Variants in MTA3 observed in about 807,000 individuals in gnomAD.
MTA3 encodes the protein metastasis-associated protein MTA3.
Under a neutral mutation model 83.5 loss-of-function variants are expected in MTA3, and 34 were observed. The ratio of observed to expected loss-of-function variants is 0.41; its 90% CI spans 0.31 to 0.54. The LOEUF is 0.54. Ranked by LOEUF, MTA3 falls within the 20% of genes least tolerant of loss-of-function variation. The probability of loss-of-function intolerance (pLI) is 0.33; values close to 1 mark genes in which losing one functional copy is unlikely to be tolerated. For synonymous variants in MTA3, 303 were observed against 252.7 expected (o/e 1.20, Z -1.89); for missense variants, 761 against 726.4 (o/e 1.05, Z -0.55).
chr2:42,523,645 G>T (rs1387221349), intron 2 of MTA3, among the ~76,000 whole-genome samples: 1 of 152,130 alleles, frequency 6.6e-6, no homozygotes, highest in Non-Finnish European at 1.5e-5. Context: ...GGGTGCAGTG[G>T]CGCATGCTTG....
intron 8 of MTA3, among the ~76,000 whole-genome samples, chr2:42,665,473 T>A (rs189828214): frequency 2.6e-5 from 4 of 152,300 alleles, no homozygotes; most frequent in Non-Finnish European, 5.9e-5. Context: ...ACAAAATTCC[T>A]TAGAACCAAG....
At position 42,756,914 on chromosome 2, in the gene MTA3, G is replaced by T; in HGVS notation, c.*3515G>T. On this transcript the variant is annotated 3_prime_UTR_variant, in exon 17 of 17. Coordinates refer to ENST00000405094, the MANE Select transcript of MTA3 (RefSeq NM_001330442.2). The stretch of plus-strand genomic sequence containing the variant: ...GGAGATGCCATCTACTAACCAATTT[G>T]TATTGTGTTTCCAATAAATTCCTGG... 1.0e-6 allele frequency: 1 copy of T among 985,476 alleles called. No individual in the cohort carries two copies. Among genetic ancestry groups the T allele is most frequent in the Non-Finnish European group, 1.2e-6 (1 of 829,978 alleles). The allele number at this position is 985,476 out of a possible 1,614,324, so 61.0% of individuals were successfully genotyped here.
intron 8 of MTA3, among the ~76,000 whole-genome samples, chr2:42,665,850 A>G (rs529526194): frequency 6.6e-6 from 1 of 152,368 alleles, no homozygotes; most frequent in Non-Finnish European, 1.5e-5. Context: ...AATTGGTGAC[A>G]TAATCAGGAC....
intron 6 of MTA3, among the ~76,000 whole-genome samples, chr2:42,647,543 G>T (rs1299181926): frequency 5.9e-5 from 3 of 50,774 alleles, no homozygotes; most frequent in African/African-American, 1.5e-4. Context: ...CTCCCACCCC[G>T]CCTCCCACTG....
intron 5 of MTA3, among the ~76,000 whole-genome samples, chr2:42,642,743 C>G (rs2104308197): frequency 6.7e-6 from 1 of 149,746 alleles, no homozygotes; most frequent in South Asian, 2.1e-4. Context: ...CTCCTGTGTT[C>G]AAGTGATTCT....
intron 4 of MTA3, among the ~76,000 whole-genome samples, chr2:42,639,844 C>T (rs996413968): frequency 9.9e-5 from 15 of 152,108 alleles, no homozygotes; most frequent in African/African-American, 3.6e-4. Context: ...GGTTCAGAAA[C>T]TGACTCTTAG....
intron 8 of MTA3, among the ~76,000 whole-genome samples, chr2:42,663,330 G>A (rs1419838565): frequency 2.0e-5 from 3 of 152,178 alleles, no homozygotes; most frequent in Non-Finnish European, 4.4e-5. Flanking sequence ...TCCCACTGCT[G>A]GTGAATGTGC....
At chr2:42,672,199 GATA>G (rs1380866195) in intron 8 of MTA3, among the ~76,000 whole-genome samples, 2 of 152,044 alleles carry the variant, frequency 1.3e-5, no homozygotes, top group African/African-American at 4.8e-5. Flanking sequence ...GCTTTCTTGT[GATA>G]ATAATAAAAA....
At chr2:42,654,305 A>G (rs1416106095) in intron 6 of MTA3, among the ~76,000 whole-genome samples, 4 of 152,114 alleles carry the variant, frequency 2.6e-5, no homozygotes, top group Non-Finnish European at 5.9e-5. Context: ...GCTTGCTCCT[A>G]TACTAGGCGG....
At position 42,686,599 on chromosome 2, in the gene MTA3, C is replaced by T. The variant is rs550682301; in HGVS notation, c.891+4010C>T. On this transcript the variant is annotated intron_variant, in intron 9 of 16. Transcript: ENST00000405094. Reference sequence around the variant, plus strand: ...CAACACTTTGGGAGGCCGAGGCGGGCGGATCACTTGAGGTCATGAGTTCGA... The same window carrying T: ...CAACACTTTGGGAGGCCGAGGCGGGTGGATCACTTGAGGTCATGAGTTCGA... 1.2e-4 allele frequency among the ~76,000 whole-genome samples: 18 copies of T among 151,398 alleles called. 1 individual carries two copies. The South Asian group carries it at 3.1e-3, about 26-fold the overall frequency.
chr2:42,696,069 G>A (rs1468984752), intron 10 of MTA3, among the ~76,000 whole-genome samples: 1 of 152,030 alleles, frequency 6.6e-6, no homozygotes, highest in African/African-American at 2.4e-5. Context: ...TACCACTAGA[G>A]AGGCATTATT....
At chr2:42,645,377 T>C (rs1426984531) in intron 6 of MTA3, among the ~76,000 whole-genome samples, 1 of 151,890 alleles carries the variant, frequency 6.6e-6, no homozygotes, top group Admixed American at 6.6e-5. Flanking sequence ...ATACAAAAAC[T>C]AGCCAAGTGT....
intron 2 of MTA3, among the ~76,000 whole-genome samples, chr2:42,526,390 C>A (rs1675710882): frequency 6.6e-6 from 1 of 152,128 alleles, no homozygotes; most frequent in African/African-American, 2.4e-5. Flanking sequence ...GCCAAGATTC[C>A]TGGCTCTCCC....
chr2:42,526,645 G>A (rs575159275), intron 2 of MTA3, among the ~76,000 whole-genome samples: 1 of 152,220 alleles, frequency 6.6e-6, no homozygotes, highest in Non-Finnish European at 1.5e-5. Context: ...AACATTTACT[G>A]AGAAATTGGT....
At chr2:42,498,520 G>A (rs769497799) in intron 2 of MTA3, among the ~76,000 whole-genome samples, 1 of 152,172 alleles carries the variant, frequency 6.6e-6, no homozygotes, top group Non-Finnish European at 1.5e-5. Context: ...AGCAGGCTTG[G>A]GGGAAAAGCT....
At chr2:42,517,143 C>T (rs541282956) in intron 2 of MTA3, among the ~76,000 whole-genome samples, 1 of 152,134 alleles carries the variant, frequency 6.6e-6, no homozygotes, top group Admixed American at 6.6e-5. Flanking sequence ...GCCTGTAATT[C>T]CAGCTACTCA....
chr2:42,675,929 A>T (rs183792557), intron 8 of MTA3, among the ~76,000 whole-genome samples: 3 of 152,318 alleles, frequency 2.0e-5, no homozygotes, highest in Admixed American at 6.5e-5. Flanking sequence ...ACATAATATG[A>T]TTCTCTGGTT....
At chr2:42,697,939 T>A in intron 11 of MTA3, 105 bp downstream of exon 11, 2 of 693,720 alleles carry the variant, frequency 2.9e-6, no homozygotes, top group Non-Finnish European at 2.3e-6. Context: ...TTTGTGTATC[T>A]TTCTTCTTCT....
At chr2:42,745,082 A>G (rs1298177643) in intron 16 of MTA3, among the ~76,000 whole-genome samples, 1 of 152,224 alleles carries the variant, frequency 6.6e-6, no homozygotes, top group Non-Finnish European at 1.5e-5. Flanking sequence ...CTCAGAAAAC[A>G]TCTGAGTTAT....
Sources: gnomAD v4.1 joint callset for allele counts (sites outside exome capture counted in the v4.1 genomes callset) on GRCh38, gnomAD v4.1.1 for gene constraint, MANE v1.5 for transcripts, NCBI Gene and HGNC (gene_info 2026-07-23, HGNC 2026-07-21) for gene names.